The following NTAQ1 variants were observed in gnomAD, a reference collection of about 807,000 sequenced individuals.
NTAQ1 encodes the protein N-terminal glutamine amidase 1, also known as protein N-terminal glutamine amidohydrolase.
A neutral mutation model predicts 28.2 loss-of-function variants in NTAQ1; 21 were observed. The ratio of observed to expected loss-of-function variants is 0.74; its 90% confidence interval spans 0.53 to 1.07. NTAQ1 has a LOEUF of 1.07. Among genes scored for constraint, NTAQ1 ranks in the 50% least tolerant of loss-of-function variants. The pLI, the probability that NTAQ1 is intolerant of heterozygous loss-of-function variation, is 0.00. For missense variants in NTAQ1, 264 were observed against 256.6 expected (o/e 1.03, Z -0.20); for synonymous variants, 105 against 90.0 (o/e 1.17, Z -0.94).
chr8:123,436,760 CA>C (rs1194222873), intron 4 of NTAQ1, among the ~76,000 whole-genome samples, 159 bp downstream of exon 4: 6 of 152,072 alleles, frequency 3.9e-5, no homozygotes, highest in African/African-American at 1.4e-4. Flanking sequence ...ACAGGAGATT[CA>C]AAATGTTTTA....
chr8:123,436,186 A>G (rs1462978511), intron 3 of NTAQ1, among the ~76,000 whole-genome samples: 1 of 151,776 alleles, frequency 6.6e-6, no homozygotes, highest in Admixed American at 6.6e-5. Context: ...AAAAAAAAAA[A>G]AAAAGTTTCC....
intron 6 of NTAQ1, among the ~76,000 whole-genome samples, chr8:123,462,549 T>C (rs1421459560): frequency 1.3e-5 from 2 of 152,218 alleles, no homozygotes; most frequent in Non-Finnish European, 2.9e-5. Context: ...TTACTACTTA[T>C]TGAATTCTAA....
chr8:123,417,551 A>G lies in NTAQ1; in HGVS notation c.83+619A>G, dbSNP rs377645011. 1.2e-4 allele frequency among the ~76,000 whole-genome samples: 18 copies of G among 152,240 alleles called. No homozygotes were observed. In the South Asian group the frequency reaches 1.5e-3, roughly 12 times the overall value. ...CAGTCAGGGTCTGGCCCCGGAATCC[A>G]CGCAGTGCACCCCTGTCCTAGGCCA... On this transcript the variant is annotated intron_variant, in intron 1 of 5. Coordinates refer to ENST00000287387, the MANE Select transcript of NTAQ1 (RefSeq NM_018024.3).
intron 5 of NTAQ1, chr8:123,438,296 A>T: frequency 1.5e-6 from 1 of 657,894 alleles, no homozygotes; most frequent in East Asian, 2.7e-5. Flanking sequence ...CCTGGATAAT[A>T]CAGTCTGTGT....
At chr8:123,438,378 G>A (rs1014448586) in intron 5 of NTAQ1, 2 of 522,002 alleles carry the variant, frequency 3.8e-6, no homozygotes, top group East Asian at 3.2e-5. Flanking sequence ...ACAAGGGTCT[G>A]AGCGTGGTGG....
At chr8:123,427,011 G>A (rs1814098328) in intron 1 of NTAQ1, among the ~76,000 whole-genome samples, 1 of 152,022 alleles carries the variant, frequency 6.6e-6, no homozygotes, top group South Asian at 2.1e-4. Flanking sequence ...TTACTAGAGG[G>A]GCATGGGGAA....
chr8:123,442,513 T>C (rs1354142597), downstream of NTAQ1, among the ~76,000 whole-genome samples: 5 of 150,496 alleles, frequency 3.3e-5, no homozygotes, highest in East Asian at 9.8e-4. Context: ...CAGAATTGCT[T>C]GAACCTGGGA....
exon 7 of NTAQ1, among the ~76,000 whole-genome samples, chr8:123,469,669 G>T (rs1816022768): frequency 6.6e-6 from 1 of 152,216 alleles, no homozygotes; most frequent in African/African-American, 2.4e-5. Context: ...TGGAGACCTA[G>T]TTAAACCTTT....
At chr8:123,466,655 C>T (rs1815967577) in intron 6 of NTAQ1, among the ~76,000 whole-genome samples, 1 of 152,208 alleles carries the variant, frequency 6.6e-6, no homozygotes, top group African/African-American at 2.4e-5. Context: ...CCCCTCCTCC[C>T]TTTTCCCCCC....
intron 6 of NTAQ1, among the ~76,000 whole-genome samples, chr8:123,457,638 A>G (rs755899253): frequency 3.6e-4 from 55 of 152,194 alleles, no homozygotes; most frequent in Non-Finnish European, 7.5e-4. Flanking sequence ...GTTGCTTCTG[A>G]GAAGAGAACT....
chr8:123,419,665 G>A (rs963614104), intron 1 of NTAQ1, among the ~76,000 whole-genome samples: 1 of 151,856 alleles, frequency 6.6e-6, no homozygotes, highest in African/African-American at 2.4e-5. Context: ...TCATCACTGG[G>A]AACCCCTGGA....
intron 1 of NTAQ1, among the ~76,000 whole-genome samples, chr8:123,418,184 C>A (rs1300090642): frequency 6.6e-6 from 1 of 152,170 alleles, no homozygotes; most frequent in Non-Finnish European, 1.5e-5. Flanking sequence ...GGTGCGATGG[C>A]TCACGCCTGT....
downstream of NTAQ1, among the ~76,000 whole-genome samples, chr8:123,446,427 C>G (rs1007328389): frequency 6.6e-6 from 1 of 152,230 alleles, no homozygotes; most frequent in Non-Finnish European, 1.5e-5. Flanking sequence ...GCCTTTGTAG[C>G]CGAAAACAGC....
chr8:123,455,762 C>G (rs1206092072), intron 6 of NTAQ1, among the ~76,000 whole-genome samples: 1 of 152,126 alleles, frequency 6.6e-6, no homozygotes, highest in African/African-American at 2.4e-5. Flanking sequence ...ACTCCCACTT[C>G]CCCACCCGGA....
chr8:123,453,566 C>T (rs1477810725), intron 6 of NTAQ1, among the ~76,000 whole-genome samples: 1 of 151,924 alleles, frequency 6.6e-6, no homozygotes, highest in Non-Finnish European at 1.5e-5. Context: ...GTAGCTGGGA[C>T]TATAGACACC....
chr8:123,430,136 G>A, intron 3 of NTAQ1, 103 bp downstream of exon 3: 2 of 738,766 alleles, frequency 2.7e-6, no homozygotes, highest in Admixed American at 2.6e-5. Flanking sequence ...GTAGAGAAAG[G>A]CTATGGTAAT....
At chr8:123,470,918 C>CT (rs796299064), downstream of NTAQ1, among the ~76,000 whole-genome samples, 4,828 of 107,248 alleles carry the variant, frequency 0.045, 254 homozygotes, top group African/African-American at 0.12. Flanking sequence ...TTCCTTTTTT[C>CT]TTTTTTTTTT....
At chr8:123,473,439 G>A (rs1816061331), downstream of NTAQ1, among the ~76,000 whole-genome samples, 2 of 152,058 alleles carry the variant, frequency 1.3e-5, no homozygotes, top group South Asian at 4.2e-4. Context: ...GGGACTACAG[G>A]CACATGCCAC....
At chr8:123,442,985 C>A (rs564629185), downstream of NTAQ1, among the ~76,000 whole-genome samples, 72 of 146,374 alleles carry the variant, frequency 4.9e-4, no homozygotes, top group Non-Finnish European at 9.2e-4. Context: ...CTAGAAATTT[C>A]TGCATAAACT....
Sources: allele counts gnomAD v4.1 joint callset (sites outside exome capture counted in the v4.1 genomes callset), GRCh38; gene constraint gnomAD v4.1.1; transcripts MANE v1.5; gene names NCBI Gene and HGNC (gene_info 2026-07-23, HGNC 2026-07-21).